The following COX10 variants were observed in gnomAD, a reference collection of about 807,000 sequenced individuals.
COX10 encodes cytochrome c oxidase assembly factor heme A:farnesyltransferase COX10.
A neutral mutation model predicts 37.3 loss-of-function variants in COX10; 27 were observed. The ratio of observed to expected loss-of-function variants is 0.72; its 90% CI spans 0.53 to 1.00. COX10 has a LOEUF of 1.00. Ranked by LOEUF, COX10 falls within the 50% of genes least tolerant of loss-of-function variation. COX10 has a pLI of 0.00. For missense variants in COX10, 475 were observed against 563.2 expected (o/e 0.84, Z 1.59); for synonymous variants, 222 against 229.1 (o/e 0.97, Z 0.28).
chr17:14,119,982 T>C (rs991346657), intron 4 of COX10, among the ~76,000 whole-genome samples: 2 of 152,122 alleles, frequency 1.3e-5, no homozygotes, highest in African/African-American at 2.4e-5. Context: ...GTGATGATGC[T>C]TTACACTAGG....
intron 4 of COX10, among the ~76,000 whole-genome samples, chr17:14,148,158 T>G (rs1314697168): frequency 6.7e-6 from 1 of 148,688 alleles, no homozygotes. Context: ...CTGAGTAATC[T>G]GTTTAGAGGA....
chr17:14,184,061 T>C (rs1000977197), intron 5 of COX10, among the ~76,000 whole-genome samples: 22 of 152,214 alleles, frequency 1.4e-4, no homozygotes, highest in African/African-American at 4.3e-4. Context: ...AAGACAACTC[T>C]ATAATACCTC....
intron 4 of COX10, among the ~76,000 whole-genome samples, chr17:14,150,979 G>T (rs572508903): frequency 6.6e-6 from 1 of 152,234 alleles, no homozygotes; most frequent in East Asian, 1.9e-4. Flanking sequence ...AGCACAAGTT[G>T]CCATTGTTTT....
Position 14,208,327 on chromosome 17 carries a change from C to G in COX10, c.*1114C>G, listed in dbSNP as rs1206653886. On this transcript the variant is annotated 3_prime_UTR_variant, in exon 7 of 7. Transcript: ENST00000261643. Reference sequence around the variant, plus strand: ...AGCTTTTTAGTCCTTTGTGCTCCCACGGGTCTGCAGAGTCCCATCTGCCCA... The same window carrying G: ...AGCTTTTTAGTCCTTTGTGCTCCCAGGGGTCTGCAGAGTCCCATCTGCCCA... 5 of 152,210 alleles carry G rather than the reference C, an allele frequency of 3.3e-5. No individual in the cohort carries two copies. The highest frequency in any genetic ancestry group is 5.9e-5 in the Non-Finnish European group (4 of 68,046). The allele number at this position is 152,210 out of a possible 1,614,324, so 9.4% of individuals were successfully genotyped here.
intron 3 of COX10, among the ~76,000 whole-genome samples, chr17:14,095,012 A>AG (rs1555534417): frequency 6.6e-6 from 1 of 152,210 alleles, no homozygotes; most frequent in Non-Finnish European, 1.5e-5. Flanking sequence ...GAAAAAAAAA[A>AG]GTTAATTCAC....
intron 5 of COX10, among the ~76,000 whole-genome samples, chr17:14,169,656 A>G (rs1231559449): frequency 1.3e-5 from 2 of 152,192 alleles, no homozygotes; most frequent in Admixed American, 6.5e-5. Context: ...CGTTCTGGCT[A>G]TAATGTTTGT....
chr17:14,129,185 TA>T (rs996341431), intron 4 of COX10, among the ~76,000 whole-genome samples: 2 of 150,404 alleles, frequency 1.3e-5, no homozygotes, highest in African/African-American at 4.9e-5. Context: ...TTTGCATTAG[TA>T]AAAAAAAATC....
intron 3 of COX10, among the ~76,000 whole-genome samples, chr17:14,092,056 C>T (rs1915540529): frequency 6.6e-6 from 1 of 151,968 alleles, no homozygotes. Flanking sequence ...AATTGAGTTT[C>T]TTTATTGAGA....
At chr17:14,164,942 T>C (rs950733121) in intron 5 of COX10, among the ~76,000 whole-genome samples, 1 of 151,982 alleles carries the variant, frequency 6.6e-6, no homozygotes, top group South Asian at 2.1e-4. Flanking sequence ...GAAGGTCAAA[T>C]GGGTTTGCCT....
At chr17:14,183,741 C>T (rs1217891676) in intron 5 of COX10, among the ~76,000 whole-genome samples, 2 of 152,270 alleles carry the variant, frequency 1.3e-5, no homozygotes, top group Admixed American at 6.5e-5. Context: ...ATCAGCCCCT[C>T]CCTCCAGCTC....
chr17:14,103,087 C>T (rs542161038), intron 4 of COX10, among the ~76,000 whole-genome samples: 1 of 152,222 alleles, frequency 6.6e-6, no homozygotes, highest in African/African-American at 2.4e-5. Flanking sequence ...AAGGATCAAT[C>T]TATTTCAAAT....
intron 4 of COX10, among the ~76,000 whole-genome samples, chr17:14,129,972 A>G (rs770750928): frequency 6.6e-6 from 1 of 152,164 alleles, no homozygotes; most frequent in Admixed American, 6.6e-5. Context: ...TCTTAATCCC[A>G]GGTGGATATA....
chr17:14,158,748 T>C (rs1905108085), intron 4 of COX10, among the ~76,000 whole-genome samples: 1 of 152,194 alleles, frequency 6.6e-6, no homozygotes, highest in South Asian at 2.1e-4. Context: ...TGTGCTCATA[T>C]GATTTGACCA....
intron 4 of COX10, among the ~76,000 whole-genome samples, chr17:14,146,907 C>T (rs1237667064): frequency 6.6e-6 from 1 of 152,002 alleles, no homozygotes. Flanking sequence ...TCAACATCAT[C>T]GATTATCAGA....
chr17:14,186,447 G>T (rs1252846986), intron 5 of COX10, among the ~76,000 whole-genome samples: 1 of 151,640 alleles, frequency 6.6e-6, no homozygotes, highest in African/African-American at 2.4e-5. Context: ...CCATCCATCG[G>T]GTCTCAGTTT....
At chr17:14,168,340 G>A (rs1193753725) in intron 5 of COX10, among the ~76,000 whole-genome samples, 1 of 152,238 alleles carries the variant, frequency 6.6e-6, no homozygotes, top group African/African-American at 2.4e-5. Context: ...TTCATGGGCT[G>A]CCATTGAGTG....
intron 4 of COX10, among the ~76,000 whole-genome samples, chr17:14,127,686 C>T (rs920583283): frequency 6.6e-6 from 1 of 151,770 alleles, no homozygotes; most frequent in African/African-American, 2.4e-5. Flanking sequence ...ATGCATTGGC[C>T]TTGTGTTTAA....
In COX10 at chr17:14,206,962, T is replaced by C. The variant is rs1339417855; in HGVS notation, c.1081T>C (p.Cys361Arg). ...GTGCCGGCGCGTGGCGCTGCGCCAC[T>C]GCCTGGCCCTGCTCGTGCTGTCCGC... is the stretch of plus-strand genomic sequence containing the variant. ...GLCRRVALRH[C>R]LALLVLSAAA... is the part of the protein sequence containing the mutation. Residue 361 changes from cysteine to arginine, a missense_variant, in exon 7 of 7, where the codon TGC becomes CGC. Around this residue, in one of 5 missense-constraint regions of COX10, gnomAD observed 160 missense variants for 180.6 expected, o/e 0.89. Coordinates refer to ENST00000261643, the MANE Select transcript of COX10 (RefSeq NM_001303.4). 1.2e-6 allele frequency: 2 copies of C among 1,613,900 alleles called. No individual in the cohort carries two copies. The highest frequency in any genetic ancestry group is 1.7e-6 in the Non-Finnish European group (2 of 1,179,926).
chr17:14,206,805 C>T lies in COX10; in HGVS notation c.929-5C>T. On this transcript the variant is annotated splice_region_variant and splice_polypyrimidine_tract_variant and intron_variant, in intron 6 of 6. Transcript: ENST00000261643. ...TCTCCCTCTCCTTCCCTGACCCCCG[C>T]ACAGGCGCATTTCTCCTGGGAGGAA... 6.2e-7 allele frequency: 1 copy of T among 1,614,134 alleles called. No homozygotes were observed. The highest frequency in any genetic ancestry group is 1.1e-5 in the South Asian group (1 of 91,090).
Sources: gnomAD v4.1 joint callset for allele counts (sites outside exome capture counted in the v4.1 genomes callset) on GRCh38, gnomAD v4.1.1 for gene constraint, gnomAD v4.1.1 regional missense constraint, MANE v1.5 for transcripts, NCBI Gene and HGNC (gene_info 2026-07-23, HGNC 2026-07-21) for gene names.